The following DSCAML1 variants were observed in gnomAD, a reference collection of about 807,000 sequenced individuals.
The protein encoded by DSCAML1 is cell adhesion molecule DSCAML1.
A neutral mutation model predicts 200.5 loss-of-function variants in DSCAML1; 38 were observed. The observed-to-expected ratio is 0.19, with a 90% CI of 0.15 to 0.25. The LOEUF is 0.25. Ranked by LOEUF, DSCAML1 falls within the 10% of genes least tolerant of loss-of-function variation. The pLI, the probability that DSCAML1 is intolerant of heterozygous loss-of-function variation, is 1.00. For missense variants in DSCAML1, 2,223 were observed against 2,858.8 expected (o/e 0.78, Z 5.07); for synonymous variants, 1,215 against 1,165.0 (o/e 1.04, Z -0.87).
intron 3 of DSCAML1, chr11:117,709,836 G>A (rs1300917632): frequency 2.2e-6 from 1 of 452,826 alleles, no homozygotes; most frequent in Non-Finnish European, 4.4e-6. Flanking sequence ...CTGGGACCGA[G>A]GGCAACCAAT....
chr11:117,714,075 A>G (rs1366289698), intron 3 of DSCAML1, among the ~76,000 whole-genome samples: 1 of 152,206 alleles, frequency 6.6e-6, no homozygotes, highest in African/African-American at 2.4e-5. Flanking sequence ...CATCTGTGCA[A>G]TGGGGATAAT....
At chr11:117,495,737 T>C (rs774704408) in intron 11 of DSCAML1, among the ~76,000 whole-genome samples, 1 of 152,092 alleles carries the variant, frequency 6.6e-6, no homozygotes, top group Non-Finnish European at 1.5e-5. Context: ...TCCATTTCTA[T>C]TGGTGGGACC....
At position 117,435,814 on chromosome 11, in the gene DSCAML1, A is replaced by C; in HGVS notation, c.4721-15T>G. ...TGGAATGGTGCCTGAATGAGGGCAAAGAATAGAATTAGATGTCCCTTATGA... is the reference window on the plus strand; with the variant it reads ...TGGAATGGTGCCTGAATGAGGGCAACGAATAGAATTAGATGTCCCTTATGA... On this transcript the variant is annotated splice_polypyrimidine_tract_variant and intron_variant, in intron 26 of 32. Transcript: ENST00000651296. 1 of 1,595,764 alleles carries C rather than the reference A, an allele frequency of 6.3e-7. No individual in the cohort carries two copies. The highest frequency in any genetic ancestry group is 8.6e-7 in the Non-Finnish European group (1 of 1,165,128).
At position 117,480,174 on chromosome 11, in the gene DSCAML1, G is replaced by A. The variant is rs1592642996; in HGVS notation, c.2785+269C>T. Among the ~76,000 whole-genome samples, 1 of 152,136 alleles carries A rather than the reference G, an allele frequency of 6.6e-6. No individual in the cohort carries two copies. Among genetic ancestry groups the A allele is most frequent in the East Asian group, 1.9e-4 (1 of 5,176 alleles). ...CATGGCTTCAAATCAGACCACCCTT[G>A]GGGACCCTGGCCCAGGGACAGTCCT... On this transcript the variant is annotated intron_variant, in intron 14 of 32. Coordinates refer to ENST00000651296, the MANE Select transcript of DSCAML1 (RefSeq NM_020693.4). The surrounding 1 kb of genome is among the most constrained non-coding windows in gnomAD (Gnocchi z 4.1).
rs1445033507 is a variant in DSCAML1 at position 117,469,993 on chromosome 11, G to C, written c.2954-13C>G. On this transcript the variant is annotated splice_polypyrimidine_tract_variant and intron_variant, in intron 15 of 32. Transcript: ENST00000651296. The surrounding 1 kb of genome is among the most constrained non-coding windows in gnomAD (Gnocchi z 4.1). ...GGCCCATCGGGAGCTGAGCAGGGTAGCGGGGAGGAGAAACATTACAAGTCA... is the reference window on the plus strand; with the variant it reads ...GGCCCATCGGGAGCTGAGCAGGGTACCGGGGAGGAGAAACATTACAAGTCA... 6.3e-7 allele frequency: 1 copy of C among 1,585,848 alleles called. No homozygotes were observed. The highest frequency in any genetic ancestry group is 8.6e-7 in the Non-Finnish European group (1 of 1,162,294).
rs767660709 is a variant in DSCAML1, at chr11:117,482,044, G to T, written c.2478C>A (p.Asp826Glu). 2 of 1,614,090 alleles carry T rather than the reference G, an allele frequency of 1.2e-6. No homozygotes were observed. Among genetic ancestry groups the T allele is most frequent in the African/African-American group, 1.3e-5 (1 of 74,932 alleles). Residue 826 changes from aspartate to glutamate, a missense_variant, in exon 12 of 33, where the codon GAC (aspartate) becomes GAA (glutamate). Around this residue, in one of 7 missense-constraint regions of DSCAML1, gnomAD observed 438 missense variants for 629.7 expected, o/e 0.70. Transcript: ENST00000651296. ...TGACGCGGTCAGGGTCGATGACTGT[G>T]TCCCCCTTCTCCCAGCGGATGATGA... ...RPIIIRWEKG[D>E]TVIDPDRVMR...
intron 11 of DSCAML1, among the ~76,000 whole-genome samples, chr11:117,486,309 T>C (rs481378): frequency 0.38 from 49,132 of 129,806 alleles, 8,471 homozygotes; most frequent in African/African-American, 0.47. Flanking sequence ...GTGAAAGTAG[T>C]GGATGTGAAA....
chr11:117,453,440 T>TA (rs1418047661), intron 19 of DSCAML1, among the ~76,000 whole-genome samples: 2 of 152,252 alleles, frequency 1.3e-5, no homozygotes, highest in Non-Finnish European at 2.9e-5. Flanking sequence ...ATGTTGGTGA[T>TA]ACATTCTCTC....
chr11:117,617,538 T>C (rs1258851143), intron 3 of DSCAML1, among the ~76,000 whole-genome samples: 1 of 152,186 alleles, frequency 6.6e-6, no homozygotes, highest in Non-Finnish European at 1.5e-5. Context: ...GATGAGTTTA[T>C]AGAATAGTCT....
At chr11:117,796,416 G>T (rs2055576821) in intron 1 of DSCAML1, among the ~76,000 whole-genome samples, 2 of 152,244 alleles carry the variant, frequency 1.3e-5, no homozygotes, top group African/African-American at 4.8e-5. Flanking sequence ...GTAGGGCCGG[G>T]GGAGGGTGAC....
upstream of DSCAML1, among the ~76,000 whole-genome samples, chr11:117,798,997 G>C (rs1037849623): frequency 6.6e-6 from 1 of 152,168 alleles, no homozygotes; most frequent in African/African-American, 2.4e-5. Context: ...ACAGACTGCA[G>C]GGGGTGTTTG....
intron 3 of DSCAML1, among the ~76,000 whole-genome samples, chr11:117,638,474 C>T (rs1444872656): frequency 6.6e-6 from 1 of 152,122 alleles, no homozygotes; most frequent in Non-Finnish European, 1.5e-5. Context: ...GCCATCACCA[C>T]AGTTGATTTT....
chr11:117,777,050 C>G (rs941492799), intron 2 of DSCAML1, 113 bp from the exon 3 acceptor site: 6 of 1,106,084 alleles, frequency 5.4e-6, no homozygotes, highest in Non-Finnish European at 7.8e-6. Flanking sequence ...GCCTCACCTT[C>G]CCACTTCTTC....
intron 14 of DSCAML1, among the ~76,000 whole-genome samples, chr11:117,475,157 A>T (rs1375559445): frequency 1.3e-5 from 2 of 151,988 alleles, no homozygotes; most frequent in Non-Finnish European, 2.9e-5. Flanking sequence ...CCTCTTCCCT[A>T]GCTCTCCACG....
Position 117,481,273 on chromosome 11 carries a change from G to A in DSCAML1, c.2560-3C>T, listed in dbSNP as rs1473491647. 3 of 1,613,620 alleles carry A rather than the reference G, an allele frequency of 1.9e-6. No individual in the cohort carries two copies. Among genetic ancestry groups the A allele is most frequent in the Non-Finnish European group, 2.5e-6 (3 of 1,179,936 alleles). ...TCCCCACGGTCAGCGGGCTTGAGCTGGGAGACCACCAGCAGGGGCAGGAGA... is the reference window on the plus strand; with the variant it reads ...TCCCCACGGTCAGCGGGCTTGAGCTAGGAGACCACCAGCAGGGGCAGGAGA... On this transcript the variant is annotated splice_polypyrimidine_tract_variant and splice_region_variant and intron_variant, in intron 12 of 32. Coordinates refer to ENST00000651296, the MANE Select transcript of DSCAML1 (RefSeq NM_020693.4).
intron 3 of DSCAML1, among the ~76,000 whole-genome samples, chr11:117,751,284 T>G (rs569916227): frequency 6.6e-6 from 1 of 152,152 alleles, no homozygotes; most frequent in East Asian, 1.9e-4. Flanking sequence ...TTATTTGCAG[T>G]CACACCTTCT....
intron 3 of DSCAML1, among the ~76,000 whole-genome samples, chr11:117,717,658 C>T (rs554564013): frequency 7.5e-4 from 114 of 152,322 alleles, no homozygotes; most frequent in Middle Eastern, 3.4e-3. Flanking sequence ...ACAGTAATGA[C>T]GCCCTGGTGA....
rs573309034 is a variant in DSCAML1, at chr11:117,509,512, G to A, written c.1784-3780C>T. ...CTCTCCAACCCTGCTTCTGGGGGAT[G>A]GGCAGGTGCGATGCATGGCTGGTAC... On this transcript the variant is annotated intron_variant, in intron 8 of 32. Coordinates refer to ENST00000651296, the MANE Select transcript of DSCAML1 (RefSeq NM_020693.4). 3.5e-3 allele frequency among the ~76,000 whole-genome samples: 537 copies of A among 152,320 alleles called. 2 individuals carry two copies. Among genetic ancestry groups the A allele is most frequent in the Non-Finnish European group, 5.4e-3 (368 of 68,016 alleles).
upstream of DSCAML1, chr11:117,801,846 C>T (rs10892173): frequency 0.38 from 57,378 of 152,008 alleles, 10,984 homozygotes; most frequent in Non-Finnish European, 0.41. Context: ...TCAGGGGCTG[C>T]GGAAGCCCCC....
Sources: allele counts gnomAD v4.1 joint callset (sites outside exome capture counted in the v4.1 genomes callset), GRCh38; gene constraint gnomAD v4.1.1; regional missense constraint gnomAD v4.1.1; non-coding constraint Gnocchi (gnomAD v3.1); transcripts MANE v1.5; gene names NCBI Gene and HGNC (gene_info 2026-07-23, HGNC 2026-07-21).